The following ZNF552 variants were observed in gnomAD, a reference collection of about 807,000 sequenced individuals.
ZNF552 encodes zinc finger protein 552.
In ZNF552, 2 loss-of-function variants were observed where a neutral mutation model predicts 7.2. That is an observed-to-expected ratio of 0.28 (90% CI 0.11 to 0.88). ZNF552 has a LOEUF of 0.88. Ranked by LOEUF, ZNF552 falls within the 40% of genes least tolerant of loss-of-function variation. The probability of loss-of-function intolerance (pLI) is 0.60; values close to 1 mark genes in which losing one functional copy is unlikely to be tolerated. For synonymous variants in ZNF552, 173 were observed against 176.5 expected (o/e 0.98, Z 0.16); for missense variants, 421 against 493.4 (o/e 0.85, Z 1.39).
Position 57,808,135 on chromosome 19 carries a change from C to T in ZNF552, c.1129G>A (p.Glu377Lys). The change falls in exon 3 of 3, where the codon GAA (glutamate) becomes AAA (lysine). Residue 377 changes from glutamate (E) to lysine (K), a missense_variant. Around this residue, in one of 2 missense-constraint regions of ZNF552, gnomAD observed 299 missense variants for 293.7 expected, o/e 1.02. Transcript: ENST00000391701. ...LTKHRRVHTG[E>K]KPYGCSECEK... is the part of the protein sequence containing the mutation. ...CATTCACTGCACCCGTAAGGCTTTTCTCCAGTGTGAACTCTCCTGTGTTTA... is the reference window on the plus strand; with the variant it reads ...CATTCACTGCACCCGTAAGGCTTTTTTCCAGTGTGAACTCTCCTGTGTTTA... 6.2e-7 allele frequency: 1 copy of T among 1,614,148 alleles called. No homozygotes were observed. The highest frequency in any genetic ancestry group is 8.5e-7 in the Non-Finnish European group (1 of 1,180,036).
At chr19:57,809,590 T>C (rs779366360) in intron 2 of ZNF552, among the ~76,000 whole-genome samples, 1 of 150,952 alleles carries the variant, frequency 6.6e-6, no homozygotes, top group Non-Finnish European at 1.5e-5. Context: ...ATGTGAAGAT[T>C]ATTCAGGGGA....
In ZNF552 at chr19:57,808,805, C is replaced by T; in HGVS notation, c.459G>A (p.Glu153=). The T allele has an allele frequency of 6.2e-7, 1 of 1,614,148 alleles. No homozygotes were observed. Among genetic ancestry groups the T allele is most frequent in the Non-Finnish European group, 8.5e-7 (1 of 1,180,038 alleles). The change falls in exon 3 of 3, where the codon GAG becomes GAA. Residue 153 remains glutamate, a synonymous_variant. Transcript: ENST00000391701. ...ACTTACACCTCTTCGCAAACAACGCCTCCTCAACACTCCCTCTGTAGGGTT... is the reference window on the plus strand; with the variant it reads ...ACTTACACCTCTTCGCAAACAACGCTTCCTCAACACTCCCTCTGTAGGGTT... ...GEKPYRGSVE[E]ALFAKRCKLH...
At chr19:57,810,762 A>G (rs1043815373) in intron 2 of ZNF552, among the ~76,000 whole-genome samples, 2 of 152,180 alleles carry the variant, frequency 1.3e-5, no homozygotes, top group African/African-American at 4.8e-5. Flanking sequence ...GCCTCTTTGC[A>G]GTTGAGATAA....
At chr19:57,811,428 C>G (rs2122145223) in intron 2 of ZNF552, among the ~76,000 whole-genome samples, 1 of 152,170 alleles carries the variant, frequency 6.6e-6, no homozygotes, top group South Asian at 2.1e-4. Context: ...TCCCAAAGTT[C>G]TGGGATTACA....
chr19:57,807,963 T>C lies in ZNF552; in HGVS notation c.*77A>G. The C allele has an allele frequency of 6.7e-7, 1 of 1,486,224 alleles. No individual in the cohort carries two copies. Among genetic ancestry groups the C allele is most frequent in the Non-Finnish European group, 9.1e-7 (1 of 1,103,802 alleles). The allele number at this position is 1,486,224 out of a possible 1,614,324, so 92.1% of individuals were successfully genotyped here. ...GAGAGCAGACCTTTGGGTAAACATT[T>C]TCCACATTTGCTGCAATCACAGGAT... is the stretch of plus-strand genomic sequence containing the variant. On this transcript the variant is annotated 3_prime_UTR_variant, in exon 3 of 3. Transcript: ENST00000391701.
At chr19:57,813,048 C>T (rs1311696588) in intron 2 of ZNF552, 1 of 548,462 alleles carries the variant, frequency 1.8e-6, no homozygotes, top group Non-Finnish European at 3.1e-6. Context: ...ACAGGACAAA[C>T]AAGGTAGCCT....
Position 57,808,691 on chromosome 19 carries a change from G to T in ZNF552, c.573C>A (p.His191Gln). The change falls in exon 3 of 3, where the codon CAC (histidine) becomes CAA (glutamine). Residue 191 changes from histidine to glutamine, a missense_variant. Transcript: ENST00000391701. ...RSGLLQQEAT[H>Q]TGKSNSKTEC... The stretch of plus-strand genomic sequence containing the variant: ...CAGTTTTGCTGTTTGACTTCCCAGT[G>T]TGAGTGGCCTCTTGCTGGAGTAATC... The T allele has an allele frequency of 3.1e-6, 5 of 1,614,208 alleles. No homozygotes were observed. The highest frequency in any genetic ancestry group is 1.1e-5 in the South Asian group (1 of 91,088).
intron 2 of ZNF552, among the ~76,000 whole-genome samples, chr19:57,811,341 T>A (rs1987853491): frequency 6.6e-6 from 1 of 151,868 alleles, no homozygotes; most frequent in African/African-American, 2.4e-5. Flanking sequence ...GCCTGGCTAA[T>A]TTTTTTGTAT....
intron 2 of ZNF552, among the ~76,000 whole-genome samples, chr19:57,810,233 G>A (rs1249485024): frequency 1.3e-5 from 2 of 152,126 alleles, no homozygotes; most frequent in East Asian, 3.9e-4. Flanking sequence ...ACTTTGGGAG[G>A]CAGAGCTGGG....
intron 2 of ZNF552, among the ~76,000 whole-genome samples, chr19:57,810,792 C>A (rs928745686): frequency 3.9e-5 from 6 of 152,140 alleles, no homozygotes; most frequent in African/African-American, 1.4e-4. Context: ...ATCTGTCTCC[C>A]GCTCATCCCT....
In ZNF552 at chr19:57,813,231, T is replaced by A; in HGVS notation, c.160+63A>T. ...TCCTGACATGAGAAAGTCTTGCCAA[T>A]AGAAAAAGAGGGGGAAAGACAGAGA... On this transcript the variant is annotated intron_variant, in intron 2 of 2. Coordinates refer to ENST00000391701, the MANE Select transcript of ZNF552 (RefSeq NM_024762.3). 1.9e-6 allele frequency: 3 copies of A among 1,601,726 alleles called. No individual in the cohort carries two copies. In the Admixed American group the frequency reaches 5.1e-5, roughly 27 times the overall value.
At chr19:57,810,179 GAAGAA>G (rs1375286090) in intron 2 of ZNF552, among the ~76,000 whole-genome samples, 2 of 149,610 alleles carry the variant, frequency 1.3e-5, no homozygotes, top group Non-Finnish European at 3.0e-5. Flanking sequence ...AGAGAAGAGA[GAAGAA>G]AAGGGCCAGG....
In ZNF552 at chr19:57,808,450, T is replaced by A; in HGVS notation, c.814A>T (p.Ile272Leu). Residue 272 changes from isoleucine to leucine, a missense_variant, in exon 3 of 3, where the codon ATA (isoleucine) becomes TTA (leucine). Physicochemically the swap from Ile to Leu is conservative, Grantham distance 5. Transcript: ENST00000391701. Reference protein sequence around the residue: ...HTREKPYTCGICGKLFNSKSH... With the variant: ...HTREKPYTCGLCGKLFNSKSH... ...TTACTGTTAAATAATTTCCCACATA[T>A]CCCACACGTATAAGGTTTTTCTCTA... 1 of 1,613,880 alleles carries A rather than the reference T, an allele frequency of 6.2e-7. No homozygotes were observed. Among genetic ancestry groups the A allele is most frequent in the Non-Finnish European group, 8.5e-7 (1 of 1,179,906 alleles).
intron 2 of ZNF552, among the ~76,000 whole-genome samples, chr19:57,809,681 A>C (rs1987818123): frequency 6.6e-6 from 1 of 152,158 alleles, no homozygotes; most frequent in African/African-American, 2.4e-5. Context: ...AAGGAGTACA[A>C]CTGACAATTC....
At chr19:57,809,866 C>T (rs1987820588) in intron 2 of ZNF552, among the ~76,000 whole-genome samples, 1 of 152,142 alleles carries the variant, frequency 6.6e-6, no homozygotes, top group South Asian at 2.1e-4. Flanking sequence ...TGCCTACAAT[C>T]CCAGCACTTT....
At chr19:57,814,074 A>G (rs529234540) in intron 1 of ZNF552, among the ~76,000 whole-genome samples, 2 of 152,020 alleles carry the variant, frequency 1.3e-5, no homozygotes, top group Non-Finnish European at 2.9e-5. Context: ...AAATGCTTCT[A>G]CAGCCATAAA....
At chr19:57,813,596 T>C (rs1001299009) in intron 1 of ZNF552, among the ~76,000 whole-genome samples, 176 bp from the exon 2 acceptor site, 3 of 151,932 alleles carry the variant, frequency 2.0e-5, no homozygotes, top group Non-Finnish European at 2.9e-5. Context: ...GTTGAACAAA[T>C]AGGTATCTGT....
In ZNF552 at chr19:57,808,877, A is replaced by G; in HGVS notation, c.387T>C (p.Tyr129=). 1 of 1,613,586 alleles carries G rather than the reference A, an allele frequency of 6.2e-7. No homozygotes were observed. The highest frequency in any genetic ancestry group is 8.5e-7 in the Non-Finnish European group (1 of 1,179,948). The change falls in exon 3 of 3, where the codon TAT becomes TAC. Residue 129 remains tyrosine (Y), a synonymous_variant. Coordinates refer to ENST00000391701, the MANE Select transcript of ZNF552 (RefSeq NM_024762.3). ...GGTGCTGATGAAAGTTTCCACTGTC[A>G]TACAATTTATTCCCCCAGGCCTCAC... The part of the protein sequence containing the change: ...HRCEAWGNKL[Y]DSGNFHQHQN...
intron 1 of ZNF552, among the ~76,000 whole-genome samples, chr19:57,813,655 C>G (rs1429764566): frequency 6.6e-6 from 1 of 151,946 alleles, no homozygotes; most frequent in Non-Finnish European, 1.5e-5. Flanking sequence ...GGCACTTCCC[C>G]TAGTATGGCC....
Sources: gnomAD v4.1 joint callset for allele counts (sites outside exome capture counted in the v4.1 genomes callset) on GRCh38, gnomAD v4.1.1 for gene constraint, gnomAD v4.1.1 regional missense constraint, MANE v1.5 for transcripts, NCBI Gene and HGNC (gene_info 2026-07-23, HGNC 2026-07-21) for gene names.